Variants in ITGA1 observed in about 807,000 individuals in gnomAD.
ITGA1 encodes integrin alpha-1.
Under a neutral mutation model 145.9 loss-of-function variants are expected in ITGA1, and 85 were observed. The observed-to-expected ratio is 0.58, with a 90% CI of 0.49 to 0.70. ITGA1 has a LOEUF of 0.70. Ranked by LOEUF, ITGA1 falls within the 30% of genes least tolerant of loss-of-function variation. The pLI, the probability that ITGA1 is intolerant of heterozygous loss-of-function variation, is 0.00. For synonymous variants in ITGA1, 520 were observed against 495.3 expected, an observed-to-expected ratio of 1.05 and a Z score of -0.66; for missense variants, 1,351 against 1,418.7, an observed-to-expected ratio of 0.95 and a Z score of 0.77.
chr5:52,887,539 C>T (rs566511256), intron 7 of ITGA1, among the ~76,000 whole-genome samples: 18 of 152,254 alleles, frequency 1.2e-4, no homozygotes, highest in African/African-American at 4.3e-4. Context: ...TCACACCCTC[C>T]CTTTGAAATT....
intron 9 of ITGA1, among the ~76,000 whole-genome samples, chr5:52,895,164 A>T (rs1750206539): frequency 6.6e-6 from 1 of 152,092 alleles, no homozygotes; most frequent in Admixed American, 6.6e-5. Context: ...CACAATCCGT[A>T]CTTAGAACAT....
chr5:52,859,003 G>C (rs73754055), intron 2 of ITGA1, among the ~76,000 whole-genome samples: 41,840 of 151,822 alleles, frequency 0.28, 6,051 homozygotes, highest in South Asian at 0.38. Context: ...ACTCATATAG[G>C]CTGGCACCAA....
At chr5:52,817,027 A>G (rs1034480302) in intron 1 of ITGA1, among the ~76,000 whole-genome samples, 2 of 152,226 alleles carry the variant, frequency 1.3e-5, no homozygotes, top group Non-Finnish European at 2.9e-5. Context: ...GTCAGTTTAG[A>G]ATCAATTTAG....
At chr5:52,950,741 G>T (rs185839676) in intron 28 of ITGA1, among the ~76,000 whole-genome samples, 51 of 152,302 alleles carry the variant, frequency 3.3e-4, no homozygotes, top group Admixed American at 2.1e-3. Context: ...AACATTTAAT[G>T]TGTAGAAGCC....
At chr5:52,826,440 C>G (rs1228675465) in intron 1 of ITGA1, among the ~76,000 whole-genome samples, 1 of 152,202 alleles carries the variant, frequency 6.6e-6, no homozygotes, top group Non-Finnish European at 1.5e-5. Flanking sequence ...GAAGCTGCAG[C>G]AAGTTATCCA....
rs190822718 is a variant in ITGA1, at chr5:52,821,768, C to T, written c.62-27597C>T. 3.5e-4 allele frequency among the ~76,000 whole-genome samples: 53 copies of T among 152,238 alleles called. 1 individual carries two copies. Among genetic ancestry groups the T allele is most frequent in the Non-Finnish European group, 1.8e-4 (12 of 68,010 alleles). On this transcript the variant is annotated intron_variant, in intron 1 of 28. Coordinates refer to ENST00000282588, the MANE Select transcript of ITGA1 (RefSeq NM_181501.2). The stretch of plus-strand genomic sequence containing the variant: ...AGCCTTAACATTTTCTTACTTCATT[C>T]CACTGTAATCATTTATTTAGTATAG...
rs191664204 is a variant in ITGA1, at chr5:52,911,635, T to C, written c.1857+1216T>C. On this transcript the variant is annotated intron_variant, in intron 14 of 28. Transcript: ENST00000282588. Reference sequence around the variant, plus strand: ...TATAGTGTATCTACTATATATACTATATATAGTGTATCTACTATATATACT... The same window carrying C: ...TATAGTGTATCTACTATATATACTACATATAGTGTATCTACTATATATACT... Among the ~76,000 whole-genome samples the C allele has an allele frequency of 9.6e-3, 377 of 39,398 alleles. 25 individuals carry two copies. Among genetic ancestry groups the C allele is most frequent in the African/African-American group, 0.031 (364 of 11,674 alleles). 25.8% of individuals were successfully genotyped at this position (39,398 alleles called of 152,430 possible).
At chr5:52,837,204 C>G (rs891685445) in intron 1 of ITGA1, among the ~76,000 whole-genome samples, 2 of 152,140 alleles carry the variant, frequency 1.3e-5, no homozygotes, top group Non-Finnish European at 2.9e-5. Flanking sequence ...GTAGAGGAGG[C>G]TGTCTACACT....
At chr5:52,904,508 C>T (rs1338970533) in intron 11 of ITGA1, 5 of 151,832 alleles carry the variant, frequency 3.3e-5, no homozygotes, top group African/African-American at 4.8e-5. Flanking sequence ...CAAATAAAAT[C>T]AAAAGTAGAA....
chr5:52,941,308 G>A (rs1159499569), intron 26 of ITGA1, among the ~76,000 whole-genome samples: 6 of 152,168 alleles, frequency 3.9e-5, no homozygotes, highest in Non-Finnish European at 8.8e-5. Context: ...GGATTGCTGG[G>A]TTGAATGGTA....
At chr5:52,932,750 C>T (rs1750910817) in intron 22 of ITGA1, 2 of 152,236 alleles carry the variant, frequency 1.3e-5, no homozygotes, top group South Asian at 4.1e-4. Context: ...GAATCAGTGG[C>T]AAGTAGGTTT....
intron 1 of ITGA1, among the ~76,000 whole-genome samples, chr5:52,832,891 A>G (rs1348582637): frequency 1.3e-5 from 2 of 150,344 alleles, no homozygotes; most frequent in Non-Finnish European, 2.9e-5. Flanking sequence ...TTGTTAAGCC[A>G]TCAAAAGCTT....
chr5:52,881,122 G>A (rs1174823604), intron 6 of ITGA1, among the ~76,000 whole-genome samples: 1 of 152,174 alleles, frequency 6.6e-6, no homozygotes, highest in Admixed American at 6.6e-5. Context: ...GAAAGAAGGT[G>A]GAGTTGGGAA....
At chr5:52,807,094 TG>T (rs139813051) in intron 1 of ITGA1, among the ~76,000 whole-genome samples, 10,686 of 152,270 alleles carry the variant, frequency 0.07, 509 homozygotes, top group Middle Eastern at 0.19. Context: ...TGGAAGTGCC[TG>T]TTTTCTATAA....
intron 24 of ITGA1, 128 bp from the exon 25 acceptor site, chr5:52,939,462 C>G (rs1751020763): frequency 1.5e-6 from 1 of 651,372 alleles, no homozygotes; most frequent in Non-Finnish European, 2.7e-6. Flanking sequence ...ATACAGCACA[C>G]TTACAAAGAT....
chr5:52,898,809 C>T (rs1750271309), intron 11 of ITGA1, among the ~76,000 whole-genome samples: 1 of 152,056 alleles, frequency 6.6e-6, no homozygotes, highest in African/African-American at 2.4e-5. Flanking sequence ...CTCTATGGGT[C>T]CTAATTTGGG....
At chr5:52,908,404 G>A (rs1750444279) in intron 12 of ITGA1, among the ~76,000 whole-genome samples, 1 of 152,144 alleles carries the variant, frequency 6.6e-6, no homozygotes, top group Non-Finnish European at 1.5e-5. Flanking sequence ...ATGTCCCATA[G>A]CTGCTGGGAT....
chr5:52,913,652 C>T (rs1313456717), intron 14 of ITGA1, among the ~76,000 whole-genome samples: 1 of 152,126 alleles, frequency 6.6e-6, no homozygotes, highest in Admixed American at 6.5e-5. Context: ...TGAACAACTA[C>T]TTACAAATAA....
chr5:52,866,390 A>G lies in ITGA1; in HGVS notation c.624+573A>G, dbSNP rs191227893. 3.3e-5 allele frequency among the ~76,000 whole-genome samples: 5 copies of G among 152,302 alleles called. No homozygotes were observed. In the East Asian group the frequency reaches 9.6e-4, roughly 29 times the overall value. ...TTAATGCACTTGAAAAATAACTCCT[A>G]TAGAGTTCTATAAACTCATAGTTTA... On this transcript the variant is annotated intron_variant, in intron 6 of 28. Coordinates refer to ENST00000282588, the MANE Select transcript of ITGA1 (RefSeq NM_181501.2).
Sources: gnomAD v4.1 joint callset for allele counts (sites outside exome capture counted in the v4.1 genomes callset) on GRCh38, gnomAD v4.1.1 for gene constraint, MANE v1.5 for transcripts, NCBI Gene and HGNC (gene_info 2026-07-23, HGNC 2026-07-21) for gene names.